ROBO2: variants seen among roughly 807,000 people sequenced by gnomAD.
The protein encoded by ROBO2 is roundabout homolog 2.
ROBO2 carries 53 observed loss-of-function variants against 160.8 expected under a neutral mutation model. The ratio of observed to expected loss-of-function variants is 0.33; its 90% CI spans 0.26 to 0.41. The LOEUF is 0.41. Ranked by LOEUF, ROBO2 falls within the 10% of genes least tolerant of loss-of-function variation. ROBO2 has a pLI of 1.00. For synonymous variants in ROBO2, 664 were observed against 611.7 expected, an observed-to-expected ratio of 1.09 and a Z score of -1.26; for missense variants, 1,577 against 1,722.4, an observed-to-expected ratio of 0.92 and a Z score of 1.49.
At chr3:76,124,162 T>A (rs1393650703) in intron 2 of ROBO2, among the ~76,000 whole-genome samples, 1 of 152,126 alleles carries the variant, frequency 6.6e-6, no homozygotes, top group Non-Finnish European at 1.5e-5. Flanking sequence ...TACAAAAAAT[T>A]ACCTAATGAA....
intron 2 of ROBO2, among the ~76,000 whole-genome samples, chr3:77,296,358 A>G (rs1405983956): frequency 3.9e-5 from 6 of 152,168 alleles, no homozygotes; most frequent in African/African-American, 1.2e-4. Context: ...ATAAAGTAAA[A>G]TTGACGGTTA....
At chr3:77,227,893 C>T (rs916403840) in intron 2 of ROBO2, among the ~76,000 whole-genome samples, 2 of 152,204 alleles carry the variant, frequency 1.3e-5, no homozygotes, top group Non-Finnish European at 2.9e-5. Context: ...TATTACCTCA[C>T]CCTTGTAAAC....
At chr3:76,152,353 G>T (rs948552188) in intron 2 of ROBO2, among the ~76,000 whole-genome samples, 5 of 152,084 alleles carry the variant, frequency 3.3e-5, no homozygotes, top group Admixed American at 6.6e-5. Flanking sequence ...TTGACTGTAG[G>T]ATGCATTAAT....
intron 2 of ROBO2, among the ~76,000 whole-genome samples, chr3:76,447,861 G>T (rs1427091665): frequency 7.6e-6 from 1 of 130,978 alleles, no homozygotes; most frequent in Admixed American, 9.3e-5. Context: ...TTGGGCACAG[G>T]AAGGGGGACA....
intron 2 of ROBO2, among the ~76,000 whole-genome samples, chr3:76,632,336 G>T (rs1053202066): frequency 1.3e-5 from 2 of 152,170 alleles, no homozygotes; most frequent in African/African-American, 4.8e-5. Context: ...CAGCTGAGCT[G>T]TCACACACCC....
intron 2 of ROBO2, among the ~76,000 whole-genome samples, chr3:76,685,201 T>A (rs1224183064): frequency 1.3e-5 from 2 of 149,094 alleles, no homozygotes; most frequent in Non-Finnish European, 3.0e-5. Context: ...TGTTTTTTTT[T>A]TTTTTTTTTC....
At chr3:77,530,777 T>C (rs749097994) in intron 6 of ROBO2, among the ~76,000 whole-genome samples, 1 of 152,002 alleles carries the variant, frequency 6.6e-6, no homozygotes, top group Non-Finnish European at 1.5e-5. Flanking sequence ...GCATTCTTTA[T>C]ATGAAAAGAA....
At chr3:76,968,092 C>T (rs1159178164) in intron 2 of ROBO2, among the ~76,000 whole-genome samples, 2 of 151,974 alleles carry the variant, frequency 1.3e-5, no homozygotes, top group African/African-American at 4.8e-5. Context: ...CCCAAGAGAA[C>T]CTGAATATCT....
At chr3:77,077,195 A>G (rs969282416) in intron 1 of ROBO2, among the ~76,000 whole-genome samples, 3 of 152,220 alleles carry the variant, frequency 2.0e-5, no homozygotes, top group Non-Finnish European at 4.4e-5. Flanking sequence ...CAGATTCCTC[A>G]TCTGTAAAAC....
At chr3:77,368,240 G>C (rs1273663467) in intron 2 of ROBO2, among the ~76,000 whole-genome samples, 2 of 122,680 alleles carry the variant, frequency 1.6e-5, no homozygotes, top group Non-Finnish European at 3.4e-5. Context: ...AATTATTTGG[G>C]GGTCAAATAC....
At chr3:76,022,823 G>A (rs1245403306) in intron 2 of ROBO2, among the ~76,000 whole-genome samples, 1 of 151,684 alleles carries the variant, frequency 6.6e-6, no homozygotes, top group Non-Finnish European at 1.5e-5. Flanking sequence ...TACAAAGAGT[G>A]TCACCCTGTC....
intron 23 of ROBO2, chr3:77,631,074 G>C (rs928862188): frequency 1.3e-5 from 2 of 151,540 alleles, no homozygotes; most frequent in African/African-American, 2.4e-5. Flanking sequence ...TCTCTCAGAA[G>C]AGGCTCAGTT....
intron 2 of ROBO2, among the ~76,000 whole-genome samples, chr3:76,138,633 C>T (rs6549836): frequency 0.98 from 148,475 of 152,036 alleles, 72,611 homozygotes; most frequent in East Asian, 1. Flanking sequence ...ATAATTAAGA[C>T]ATGGGACAAT....
intron 1 of ROBO2, among the ~76,000 whole-genome samples, chr3:75,917,194 C>T (rs1946848777): frequency 6.6e-6 from 1 of 152,088 alleles, no homozygotes; most frequent in Non-Finnish European, 1.5e-5. Flanking sequence ...CTCTTTTCCC[C>T]CACCCACCGA....
chr3:76,053,468 C>T (rs1174338137), intron 2 of ROBO2, among the ~76,000 whole-genome samples: 1 of 151,868 alleles, frequency 6.6e-6, no homozygotes, highest in Non-Finnish European at 1.5e-5. Context: ...CATTAATAAG[C>T]AAAGATTTGT....
intron 2 of ROBO2, among the ~76,000 whole-genome samples, chr3:76,672,660 G>A (rs946992277): frequency 6.6e-6 from 1 of 152,072 alleles, no homozygotes; most frequent in African/African-American, 2.4e-5. Flanking sequence ...GGGAATTACC[G>A]ACTCAAGCAC....
chr3:76,589,703 T>C (rs1328027586), intron 2 of ROBO2, among the ~76,000 whole-genome samples: 1 of 152,206 alleles, frequency 6.6e-6, no homozygotes, highest in Non-Finnish European at 1.5e-5. Context: ...CTCAACTGTT[T>C]AGTTACAAAA....
At chr3:76,786,157 T>C (rs1277520058) in intron 2 of ROBO2, among the ~76,000 whole-genome samples, 1 of 151,344 alleles carries the variant, frequency 6.6e-6, no homozygotes, top group African/African-American at 2.4e-5. Flanking sequence ...TGTATTCTCA[T>C]ACCTAATGTA....
At chr3:77,251,697 G>A (rs769368476) in intron 2 of ROBO2, among the ~76,000 whole-genome samples, 45 of 152,122 alleles carry the variant, frequency 3.0e-4, no homozygotes, top group Non-Finnish European at 5.0e-4. Flanking sequence ...TTGAATCACG[G>A]GGGCGGTCTC....
Sources: gnomAD v4.1 joint callset for allele counts (sites outside exome capture counted in the v4.1 genomes callset) on GRCh38, gnomAD v4.1.1 for gene constraint, MANE v1.5 for transcripts, NCBI Gene and HGNC (gene_info 2026-07-23, HGNC 2026-07-21) for gene names.